The following TCERG1L variants were observed in gnomAD, a reference collection of about 807,000 sequenced individuals.
The protein encoded by TCERG1L is transcription elongation regulator 1-like protein.
A neutral mutation model predicts 56.3 loss-of-function variants in TCERG1L; 37 were observed. The ratio of observed to expected loss-of-function variants is 0.66; its 90% confidence interval spans 0.51 to 0.87. The LOEUF (loss-of-function observed/expected upper bound fraction) is 0.87. Ranked by LOEUF, TCERG1L falls within the 40% of genes least tolerant of loss-of-function variation. The probability of loss-of-function intolerance (pLI) is 0.00; values close to 1 mark genes in which losing one functional copy is unlikely to be tolerated. For synonymous variants in TCERG1L, 324 were observed against 326.3 expected (o/e 0.99, Z 0.08); for missense variants, 799 against 774.2 (o/e 1.03, Z -0.38).
intron 4 of TCERG1L, among the ~76,000 whole-genome samples, chr10:131,208,642 G>A (rs1398550129): frequency 6.6e-6 from 1 of 152,222 alleles, no homozygotes; most frequent in Non-Finnish European, 1.5e-5. Context: ...GATGTAGGTT[G>A]AGCGCTTCTA....
At position 131,146,657 on chromosome 10, in the gene TCERG1L, A is replaced by G. The variant is rs750464692; in HGVS notation, c.1038T>C (p.Cys346=). 2.5e-6 allele frequency: 4 copies of G among 1,609,896 alleles called. No individual in the cohort carries two copies. Among genetic ancestry groups the G allele is most frequent in the Non-Finnish European group, 3.4e-6 (4 of 1,177,824 alleles). The stretch of plus-strand genomic sequence containing the variant: ...CTCGGTCATCGCCCGTCCAGACCAC[A>G]CACCTGTTTGAGTGGAAAAACTCAT... ...ASTPVPGSPW[C]VVWTGDDRVF... The change falls in exon 7 of 12, where the codon TGT becomes TGC. Residue 346 remains cysteine (C), a synonymous_variant. Transcript: ENST00000368642.
In TCERG1L at chr10:131,251,044, G is replaced by C. The variant is rs543555060; in HGVS notation, c.856+9215C>G. Among the ~76,000 whole-genome samples, 287 of 152,256 alleles carry C rather than the reference G, an allele frequency of 1.9e-3. 1 individual carries two copies. Among genetic ancestry groups the C allele is most frequent in the African/African-American group, 6.6e-3 (276 of 41,554 alleles). On this transcript the variant is annotated intron_variant, in intron 4 of 11. Transcript: ENST00000368642. ...CCCAGCCAAATTCTCCGGCTTGTCG[G>C]AACATCATCACGCTCTCAGGCCGTG...
At chr10:131,291,401 CT>C (rs71009957) in intron 3 of TCERG1L, among the ~76,000 whole-genome samples, 3 of 36,596 alleles carry the variant, frequency 8.2e-5, no homozygotes, top group African/African-American at 3.0e-4. Context: ...AACAGCATTT[CT>C]TTTTTTTTTT....
chr10:131,186,121 T>C (rs1365780334), intron 4 of TCERG1L, among the ~76,000 whole-genome samples: 1 of 152,180 alleles, frequency 6.6e-6, no homozygotes, highest in Non-Finnish European at 1.5e-5. Context: ...GGTCACCTAT[T>C]GTGTGGTTCA....
chr10:131,259,086 T>C (rs1220245429), intron 4 of TCERG1L, among the ~76,000 whole-genome samples: 1 of 152,142 alleles, frequency 6.6e-6, no homozygotes, highest in African/African-American at 2.4e-5. Flanking sequence ...GAATACAATA[T>C]CCGACTTATC....
At chr10:131,272,100 C>A (rs1846345464) in intron 3 of TCERG1L, among the ~76,000 whole-genome samples, 1 of 152,230 alleles carries the variant, frequency 6.6e-6, no homozygotes, top group Non-Finnish European at 1.5e-5. Flanking sequence ...TGGGCAGCGG[C>A]GGAATGAGCT....
chr10:131,209,173 A>G (rs1845587814), intron 4 of TCERG1L, among the ~76,000 whole-genome samples: 1 of 152,198 alleles, frequency 6.6e-6, no homozygotes, highest in Admixed American at 6.5e-5. Context: ...ACATCAGTGA[A>G]TTCTGTGTTC....
At chr10:131,208,245 C>T (rs1270548503) in intron 4 of TCERG1L, among the ~76,000 whole-genome samples, 3 of 152,220 alleles carry the variant, frequency 2.0e-5, no homozygotes, top group East Asian at 3.9e-4. Context: ...ATGACGGATG[C>T]CCAGGTTACG....
In TCERG1L at chr10:131,116,785, C is replaced by T. The variant is rs774526979; in HGVS notation, c.1395+14G>A. 14 of 1,551,594 alleles carry T rather than the reference C, an allele frequency of 9.0e-6. No individual in the cohort carries two copies. Among genetic ancestry groups the T allele is most frequent in the African/African-American group, 2.7e-5 (2 of 73,328 alleles). Reference sequence around the variant, plus strand: ...CTGCCGTAGGAGTGCAGCCCCTCAGCCGCTGTGCCTTACCCCTCTCTCCAG... The same window carrying T: ...CTGCCGTAGGAGTGCAGCCCCTCAGTCGCTGTGCCTTACCCCTCTCTCCAG... On this transcript the variant is annotated intron_variant, in intron 9 of 11. Transcript: ENST00000368642.
At chr10:131,182,267 A>T (rs1845188300) in intron 4 of TCERG1L, among the ~76,000 whole-genome samples, 1 of 152,220 alleles carries the variant, frequency 6.6e-6, no homozygotes, top group Non-Finnish European at 1.5e-5. Flanking sequence ...TGCATTTTGC[A>T]TTGTCACTGG....
intron 4 of TCERG1L, among the ~76,000 whole-genome samples, chr10:131,218,024 G>GA (rs1431439048): frequency 2.0e-5 from 3 of 152,096 alleles, no homozygotes; most frequent in African/African-American, 7.2e-5. Flanking sequence ...GCACCCGGCT[G>GA]TAGCTGGCTT....
At chr10:131,149,127 G>C (rs1435319033) in intron 6 of TCERG1L, among the ~76,000 whole-genome samples, 1 of 152,192 alleles carries the variant, frequency 6.6e-6, no homozygotes, top group Non-Finnish European at 1.5e-5. Flanking sequence ...CCCTTCAGAT[G>C]GGGGGTGGAA....
intron 11 of TCERG1L, among the ~76,000 whole-genome samples, chr10:131,096,829 T>A (rs977193099): frequency 6.7e-6 from 1 of 148,568 alleles, no homozygotes; most frequent in Non-Finnish European, 1.5e-5. Flanking sequence ...GAGCTTGCAG[T>A]GAGCCGAGAT....
At chr10:131,134,343 G>C (rs2133404248) in intron 8 of TCERG1L, 36 bp downstream of exon 8, 1 of 1,549,624 alleles carries the variant, frequency 6.5e-7, no homozygotes. Flanking sequence ...GTACACAGTA[G>C]GGAAAGATCT....
chr10:131,122,029 TA>T (rs1474680169), intron 8 of TCERG1L, among the ~76,000 whole-genome samples: 1 of 152,192 alleles, frequency 6.6e-6, no homozygotes, highest in Non-Finnish European at 1.5e-5. Flanking sequence ...GCCTCACTTC[TA>T]ACAAGTGACC....
chr10:131,251,476 C>T (rs749401124), intron 4 of TCERG1L, among the ~76,000 whole-genome samples: 1 of 152,220 alleles, frequency 6.6e-6, no homozygotes, highest in Non-Finnish European at 1.5e-5. Context: ...AGCACATGCC[C>T]TTTGCACCAG....
chr10:131,240,016 T>C (rs1390757707), intron 4 of TCERG1L, among the ~76,000 whole-genome samples: 1 of 152,078 alleles, frequency 6.6e-6, no homozygotes, highest in Non-Finnish European at 1.5e-5. Context: ...AGGAAATGGG[T>C]CATCTGGGCT....
chr10:131,291,204 A>G (rs1432200505), intron 3 of TCERG1L, among the ~76,000 whole-genome samples: 2 of 152,034 alleles, frequency 1.3e-5, no homozygotes, highest in Non-Finnish European at 2.9e-5. Context: ...ATATATAACA[A>G]TGATTGTAAA....
At chr10:131,125,773 A>G (rs1475210825) in intron 8 of TCERG1L, among the ~76,000 whole-genome samples, 1 of 152,166 alleles carries the variant, frequency 6.6e-6, no homozygotes, top group Non-Finnish European at 1.5e-5. Context: ...CCCAGGATGG[A>G]TCATGGCCAC....
Sources: allele counts gnomAD v4.1 joint callset (sites outside exome capture counted in the v4.1 genomes callset), GRCh38; gene constraint gnomAD v4.1.1; transcripts MANE v1.5; gene names NCBI Gene and HGNC (gene_info 2026-07-23, HGNC 2026-07-21).